ATP6V0D2: variants seen among roughly 807,000 people sequenced by gnomAD.
The protein encoded by ATP6V0D2 is ATPase H+ transporting V0 subunit d2, also known as V-type proton ATPase subunit d 2.
Under a neutral mutation model 40.0 loss-of-function variants are expected in ATP6V0D2, and 40 were observed. The observed-to-expected ratio is 1.00, with a 90% CI of 0.78 to 1.30. The LOEUF (loss-of-function observed/expected upper bound fraction) is 1.30, where lower values mean the gene tolerates loss of function less well. ATP6V0D2 is among the 50% of genes most tolerant of loss of function. The probability of loss-of-function intolerance (pLI) is 0.00; values close to 1 mark genes in which losing one functional copy is unlikely to be tolerated. For synonymous variants in ATP6V0D2, 179 were observed against 156.3 expected, an observed-to-expected ratio of 1.15 and a Z score of -1.08; for missense variants, 470 against 423.1, an observed-to-expected ratio of 1.11 and a Z score of -0.97.
At chr8:86,141,201 G>A (rs1370134517) in intron 3 of ATP6V0D2, among the ~76,000 whole-genome samples, 1 of 152,184 alleles carries the variant, frequency 6.6e-6, no homozygotes, top group East Asian at 1.9e-4. Context: ...AACAGGCCAC[G>A]GACTGGTGTT....
intron 2 of ATP6V0D2, among the ~76,000 whole-genome samples, chr8:86,128,537 G>A (rs1345230081): frequency 1.3e-5 from 2 of 152,130 alleles, no homozygotes; most frequent in Non-Finnish European, 2.9e-5. Flanking sequence ...AGGGGCTCAG[G>A]TCTCTTTACA....
intron 1 of ATP6V0D2, 42 bp from the exon 2 acceptor site, chr8:86,113,667 T>A (rs1274309201): frequency 6.6e-7 from 1 of 1,525,502 alleles, no homozygotes; most frequent in Non-Finnish European, 8.9e-7. Flanking sequence ...TATTTGTGTA[T>A]GTTCAAAATT....
chr8:86,136,467 CA>C (rs1411640569), intron 2 of ATP6V0D2, among the ~76,000 whole-genome samples: 1 of 152,056 alleles, frequency 6.6e-6, no homozygotes, highest in Non-Finnish European at 1.5e-5. Flanking sequence ...TAAGTACTAG[CA>C]ATTGCCCTCT....
At chr8:86,146,723 T>C (rs940518311) in intron 5 of ATP6V0D2, among the ~76,000 whole-genome samples, 14 of 152,194 alleles carry the variant, frequency 9.2e-5, no homozygotes, top group African/African-American at 3.1e-4. Context: ...CATTGAACAG[T>C]TTTTATTTAT....
At chr8:86,124,327 G>A (rs1301029423) in intron 2 of ATP6V0D2, among the ~76,000 whole-genome samples, 1 of 152,138 alleles carries the variant, frequency 6.6e-6, no homozygotes, top group African/African-American at 2.4e-5. Context: ...CATTTAATCA[G>A]CATAACAGTA....
intron 2 of ATP6V0D2, among the ~76,000 whole-genome samples, chr8:86,125,777 G>A (rs1424409402): frequency 6.6e-6 from 1 of 151,950 alleles, no homozygotes; most frequent in Non-Finnish European, 1.5e-5. Flanking sequence ...AATATGCATA[G>A]TTGGGCTTAT....
At chr8:86,121,816 C>T (rs1455762974) in intron 2 of ATP6V0D2, among the ~76,000 whole-genome samples, 1 of 152,074 alleles carries the variant, frequency 6.6e-6, no homozygotes, top group Non-Finnish European at 1.5e-5. Flanking sequence ...TTAGAAAATG[C>T]CCGAGACAAC....
At chr8:86,103,168 T>C (rs1291703741) in intron 1 of ATP6V0D2, among the ~76,000 whole-genome samples, 1 of 151,796 alleles carries the variant, frequency 6.6e-6, no homozygotes, top group African/African-American at 2.4e-5. Flanking sequence ...CCCAGGCTGG[T>C]CTCCAATGGC....
intron 5 of ATP6V0D2, among the ~76,000 whole-genome samples, chr8:86,145,775 C>G (rs536051623): frequency 1.3e-5 from 2 of 152,262 alleles, no homozygotes; most frequent in South Asian, 4.1e-4. Flanking sequence ...AAATGGTTTG[C>G]TTACTTTATA....
At chr8:86,117,525 T>C (rs1017216710) in intron 2 of ATP6V0D2, among the ~76,000 whole-genome samples, 3 of 152,330 alleles carry the variant, frequency 2.0e-5, no homozygotes, top group South Asian at 2.1e-4. Context: ...GGCATGACTT[T>C]AGTGCGGATG....
intron 5 of ATP6V0D2, among the ~76,000 whole-genome samples, chr8:86,148,586 G>C (rs1452471195): frequency 1.3e-5 from 2 of 152,156 alleles, no homozygotes; most frequent in Non-Finnish European, 2.9e-5. Context: ...AGTAGGGTTG[G>C]ACTGCGGCCT....
At chr8:86,112,219 G>C (rs1818535529) in intron 1 of ATP6V0D2, among the ~76,000 whole-genome samples, 1 of 152,140 alleles carries the variant, frequency 6.6e-6, no homozygotes. Context: ...CCTATAATAG[G>C]TGTTATGCTA....
intron 5 of ATP6V0D2, among the ~76,000 whole-genome samples, chr8:86,145,239 G>A (rs1389003925): frequency 4.2e-3 from 168 of 40,420 alleles, no homozygotes; most frequent in Admixed American, 9.5e-3. Flanking sequence ...AAGAAAGAGA[G>A]AGAGAGAGAG....
intron 2 of ATP6V0D2, among the ~76,000 whole-genome samples, chr8:86,137,528 G>T (rs185992295): frequency 1.3e-5 from 2 of 152,218 alleles, no homozygotes; most frequent in East Asian, 1.9e-4. Flanking sequence ...CAAATGTCTC[G>T]AATCGGCAGC....
At chr8:86,108,145 T>G (rs1281893526) in intron 1 of ATP6V0D2, among the ~76,000 whole-genome samples, 4 of 152,186 alleles carry the variant, frequency 2.6e-5, no homozygotes, top group African/African-American at 9.6e-5. Context: ...TGTTTGTTTG[T>G]TTCTTTTCTT....
Position 86,152,726 on chromosome 8 carries a change from T to C in ATP6V0D2, c.892-90T>C, listed in dbSNP as rs116131684. On this transcript the variant is annotated intron_variant, in intron 7 of 7. Coordinates refer to ENST00000285393, the MANE Select transcript of ATP6V0D2 (RefSeq NM_152565.1). ...TGCCTGTTTAAACACAAATAAGCACTGCACAAGTTCAAGCCAGTCAGTAGC... is the reference window on the plus strand; with the variant it reads ...TGCCTGTTTAAACACAAATAAGCACCGCACAAGTTCAAGCCAGTCAGTAGC... 2.1e-3 allele frequency: 2,837 copies of C among 1,338,566 alleles called. 50 individuals carry two copies. In the African/African-American group the frequency reaches 0.038, roughly 18 times the overall value. The allele number at this position is 1,338,566 out of a possible 1,614,324, so 82.9% of individuals were successfully genotyped here.
At chr8:86,117,725 C>G (rs1348307917) in intron 2 of ATP6V0D2, among the ~76,000 whole-genome samples, 1 of 152,092 alleles carries the variant, frequency 6.6e-6, no homozygotes, top group African/African-American at 2.4e-5. Context: ...GAAAACCTTC[C>G]CAGAAGGGCT....
At chr8:86,137,865 GT>G (rs2130268805) in intron 2 of ATP6V0D2, among the ~76,000 whole-genome samples, 1 of 152,196 alleles carries the variant, frequency 6.6e-6, no homozygotes, top group South Asian at 2.1e-4. Context: ...CTGGTTTCTC[GT>G]CTATAAAATG....
chr8:86,099,661 T>C (rs993603796), intron 1 of ATP6V0D2, among the ~76,000 whole-genome samples: 4 of 152,122 alleles, frequency 2.6e-5, no homozygotes, highest in African/African-American at 9.7e-5. Context: ...GCCCGACTAA[T>C]TTTTGTACTT....
Sources: gnomAD v4.1 joint callset for allele counts (sites outside exome capture counted in the v4.1 genomes callset) on GRCh38, gnomAD v4.1.1 for gene constraint, MANE v1.5 for transcripts, NCBI Gene and HGNC (gene_info 2026-07-23, HGNC 2026-07-21) for gene names.